The following SETD7 variants were observed in gnomAD, a reference collection of about 807,000 sequenced individuals.
SETD7 encodes SET domain containing 7, histone lysine methyltransferase.
Under a neutral mutation model 41.8 loss-of-function variants are expected in SETD7, and 16 were observed. That is an observed-to-expected ratio of 0.38 (90% CI 0.26 to 0.58). The LOEUF (loss-of-function observed/expected upper bound fraction) is 0.58, where lower values mean the gene tolerates loss of function less well. Among genes scored for constraint, SETD7 ranks in the 20% least tolerant of loss-of-function variants. The pLI is 0.64. For synonymous variants in SETD7, 163 were observed against 169.7 expected, an observed-to-expected ratio of 0.96 and a Z score of 0.31; for missense variants, 346 against 459.7, an observed-to-expected ratio of 0.75 and a Z score of 2.26.
Position 139,556,145 on chromosome 4 carries a change from G to A in SETD7, c.-8C>T, listed in dbSNP as rs556428040. ...CTCGTCGTCGCTATCCATGGCGGCT[G>A]GGGACACTGCCCAGCTCGGGGCTGC... On this transcript the variant is annotated 5_prime_UTR_variant, in exon 1 of 8. Transcript: ENST00000274031. 1.2e-4 allele frequency: 196 copies of A among 1,595,932 alleles called. No individual in the cohort carries two copies. The East Asian group carries it at 3.3e-3, about 27-fold the overall frequency.
intron 6 of SETD7, among the ~76,000 whole-genome samples, chr4:139,519,668 T>C (rs984990750): frequency 6.6e-6 from 1 of 152,252 alleles, no homozygotes; most frequent in African/African-American, 2.4e-5. Flanking sequence ...TAAGGTCCCA[T>C]ACACGTAATA....
intron 2 of SETD7, among the ~76,000 whole-genome samples, chr4:139,537,442 AAC>A (rs1732764687): frequency 6.6e-6 from 1 of 152,064 alleles, no homozygotes; most frequent in African/African-American, 2.4e-5. Context: ...CACTGTGTTA[AAC>A]AGAGCCTACT....
chr4:139,517,304 A>C (rs1727049835), intron 7 of SETD7, among the ~76,000 whole-genome samples: 1 of 152,118 alleles, frequency 6.6e-6, no homozygotes, highest in South Asian at 2.1e-4. Flanking sequence ...GTGAAAACCC[A>C]TCTCTACTAA....
At chr4:139,496,183 C>A in exon 8 of SETD7, 1 of 470,618 alleles carries the variant, frequency 2.1e-6, no homozygotes, top group Non-Finnish European at 3.7e-6. Flanking sequence ...GTCTTTTTCC[C>A]CCCTCTGGTG....
At position 139,555,955 on chromosome 4, in the gene SETD7, C is replaced by G. The variant is rs1728256584; in HGVS notation, c.40+143G>C. 5.7e-6 allele frequency: 4 copies of G among 700,300 alleles called. No homozygotes were observed. The highest frequency in any genetic ancestry group is 9.1e-5 in the Admixed American group (2 of 22,088). 43.4% of individuals were successfully genotyped at this position (700,300 alleles called of 1,614,324 possible). On this transcript the variant is annotated intron_variant, in intron 1 of 7. Transcript: ENST00000274031. This position sits in a 1 kb window ranked among gnomAD's most constrained non-coding sequence, Gnocchi z 4.0. ...CGGCGTGACCGTGGCTGTCGGGCCC[C>G]CGCCCGAGCCGGGCAACCGGCCACC...
At chr4:139,547,677 T>A (rs1343775288) in intron 1 of SETD7, among the ~76,000 whole-genome samples, 1 of 152,234 alleles carries the variant, frequency 6.6e-6, no homozygotes, top group Non-Finnish European at 1.5e-5. Context: ...TATAGCTCAT[T>A]GTACAAACAC....
chr4:139,546,605 TGA>T (rs148840149), intron 2 of SETD7: 4,758 of 378,162 alleles, frequency 0.013, 209 homozygotes, highest in African/African-American at 0.093. Context: ...GCTACCGGAA[TGA>T]TCAAGTGAAA....
At chr4:139,519,492 T>C (rs919471306) in intron 6 of SETD7, among the ~76,000 whole-genome samples, 6 of 152,284 alleles carry the variant, frequency 3.9e-5, no homozygotes, top group African/African-American at 1.4e-4. Flanking sequence ...GCATGGGACG[T>C]AGTCTGACAG....
chr4:139,545,699 G>A (rs1294876706), intron 2 of SETD7, among the ~76,000 whole-genome samples: 6 of 152,078 alleles, frequency 3.9e-5, no homozygotes, highest in African/African-American at 1.2e-4. Flanking sequence ...TTAAAACAAC[G>A]CACTTTGCCT....
chr4:139,500,024 T>C (rs1726537841), intron 7 of SETD7, among the ~76,000 whole-genome samples: 1 of 152,210 alleles, frequency 6.6e-6, no homozygotes, highest in African/African-American at 2.4e-5. Flanking sequence ...ATTTCCCCTA[T>C]ACCTTTGGAT....
intron 7 of SETD7, among the ~76,000 whole-genome samples, chr4:139,516,897 C>T (rs1215048512): frequency 6.6e-6 from 1 of 152,086 alleles, no homozygotes; most frequent in East Asian, 1.9e-4. Context: ...GATCCCATAC[C>T]CATTAGCACA....
chr4:139,526,887 A>G (rs1727348612), intron 4 of SETD7, among the ~76,000 whole-genome samples: 1 of 152,242 alleles, frequency 6.6e-6, no homozygotes, highest in African/African-American at 2.4e-5. Context: ...CTTTCAGAAC[A>G]TAGATCAAGG....
intron 3 of SETD7, among the ~76,000 whole-genome samples, chr4:139,531,955 G>A (rs988653791): frequency 6.6e-6 from 1 of 151,974 alleles, no homozygotes; most frequent in African/African-American, 2.4e-5. Context: ...TTAGCCGGGC[G>A]TAGTGGCCTG....
At chr4:139,500,879 T>C (rs1020410202) in intron 7 of SETD7, among the ~76,000 whole-genome samples, 15 of 152,118 alleles carry the variant, frequency 9.9e-5, no homozygotes, top group Non-Finnish European at 1.9e-4. Context: ...CCTGTAGAAT[T>C]TGATTCTCTT....
chr4:139,504,555 C>G (rs953693116), downstream of SETD7, among the ~76,000 whole-genome samples: 4 of 152,100 alleles, frequency 2.6e-5, no homozygotes, highest in African/African-American at 4.8e-5. Context: ...AATCCCAAAT[C>G]AGTCAGATGC....
intron 3 of SETD7, among the ~76,000 whole-genome samples, chr4:139,531,819 G>A (rs1350339528): frequency 6.6e-6 from 1 of 152,114 alleles, no homozygotes; most frequent in Non-Finnish European, 1.5e-5. Flanking sequence ...AGCTTGGTGT[G>A]GTGGCTCGCA....
chr4:139,520,424 C>A (rs1348127705), intron 5 of SETD7, 30 bp from the exon 6 acceptor site: 2 of 1,315,602 alleles, frequency 1.5e-6, no homozygotes, highest in East Asian at 2.4e-5. Flanking sequence ...GAATAGTGAC[C>A]TTTTCAGCTT....
At chr4:139,542,707 TA>T (rs1727814526) in intron 2 of SETD7, among the ~76,000 whole-genome samples, 1 of 152,242 alleles carries the variant, frequency 6.6e-6, no homozygotes, top group African/African-American at 2.4e-5. Context: ...TTTATTCCAC[TA>T]AGCATTTGTT....
rs371881127 is a variant in SETD7 at position 139,511,648 on chromosome 4, C to T, written c.*15G>A. On this transcript the variant is annotated 3_prime_UTR_variant, in exon 8 of 8. Coordinates refer to ENST00000274031, the MANE Select transcript of SETD7 (RefSeq NM_030648.4). ...AGTTTCTATTCCAGGTCTCTGAACC[C>T]CAAAGCCAGGCCTTTCACTTTTGCT... is the stretch of plus-strand genomic sequence containing the variant. 3.5e-5 allele frequency: 56 copies of T among 1,613,444 alleles called. No homozygotes were observed. The African/African-American group carries it at 6.8e-4, about 20-fold the overall frequency.
Sources: gnomAD v4.1 joint callset for allele counts (sites outside exome capture counted in the v4.1 genomes callset) on GRCh38, gnomAD v4.1.1 for gene constraint, Gnocchi (gnomAD v3.1) non-coding constraint, MANE v1.5 for transcripts, NCBI Gene and HGNC (gene_info 2026-07-23, HGNC 2026-07-21) for gene names.